The following CFAP57 variants were observed in gnomAD, a reference collection of about 807,000 sequenced individuals.
CFAP57 encodes cilia- and flagella-associated protein 57.
CFAP57 carries 116 observed loss-of-function variants against 146.8 expected under a neutral mutation model. The observed-to-expected ratio is 0.79, with a 90% confidence interval of 0.68 to 0.92. CFAP57 has a LOEUF of 0.92. Among genes scored for constraint, CFAP57 ranks in the 40% least tolerant of loss-of-function variants. The probability of loss-of-function intolerance (pLI) is 0.00; values close to 1 mark genes in which losing one functional copy is unlikely to be tolerated. For synonymous variants in CFAP57, 518 were observed against 552.8 expected (o/e 0.94, Z 0.88); for missense variants, 1,377 against 1,527.2 (o/e 0.90, Z 1.64).
At chr1:43,239,164 T>A (rs1009945005) in intron 21 of CFAP57, among the ~76,000 whole-genome samples, 7 of 152,094 alleles carry the variant, frequency 4.6e-5, no homozygotes, top group Non-Finnish European at 7.4e-5. Flanking sequence ...GGACCTCCCA[T>A]GCCTGGCACA....
intron 2 of CFAP57, among the ~76,000 whole-genome samples, chr1:43,173,905 A>G (rs1432503442): frequency 1.3e-5 from 2 of 152,230 alleles, no homozygotes; most frequent in Non-Finnish European, 2.9e-5. Flanking sequence ...CTTATTCCTC[A>G]GCAACCCTGC....
intron 19 of CFAP57, among the ~76,000 whole-genome samples, chr1:43,233,714 T>A (rs1373907672): frequency 6.6e-6 from 1 of 151,968 alleles, no homozygotes; most frequent in Non-Finnish European, 1.5e-5. Context: ...CAAGGAGAAA[T>A]GACTTTCTCT....
At chr1:43,199,702 T>G (rs951641845) in intron 9 of CFAP57, among the ~76,000 whole-genome samples, 199 bp downstream of exon 9, 11 of 152,196 alleles carry the variant, frequency 7.2e-5, no homozygotes, top group Non-Finnish European at 1.5e-4. Context: ...AAACATGGTG[T>G]TGTTGTGAGA....
chr1:43,192,957 G>A (rs1290697812), intron 6 of CFAP57, among the ~76,000 whole-genome samples: 1 of 151,984 alleles, frequency 6.6e-6, no homozygotes, highest in East Asian at 1.9e-4. Context: ...AAAGAAAGTG[G>A]TATATTGCAA....
At chr1:43,191,581 C>T (rs1437674449) in intron 6 of CFAP57, among the ~76,000 whole-genome samples, 10 of 131,244 alleles carry the variant, frequency 7.6e-5, no homozygotes, top group South Asian at 4.8e-4. Flanking sequence ...AGCAAGACTC[C>T]GTCTCAAAAA....
In CFAP57 at chr1:43,221,759, G is replaced by T. The variant is rs1226336994; in HGVS notation, c.2341+294G>T. ...CACCACGTACTTGCCAGGTGCTCTGGGGAGTCACCTAACCTTACCGAGCCT... is the reference window on the plus strand; with the variant it reads ...CACCACGTACTTGCCAGGTGCTCTGTGGAGTCACCTAACCTTACCGAGCCT... On this transcript the variant is annotated intron_variant, in intron 14 of 22. Transcript: ENST00000372492. Among the ~76,000 whole-genome samples, 3 of 152,278 alleles carry T rather than the reference G, an allele frequency of 2.0e-5. No homozygotes were observed. The East Asian group carries it at 5.8e-4, about 29-fold the overall frequency.
Position 43,181,593 on chromosome 1 carries a change from GC to G in CFAP57, c.218del (p.Ala73ValfsTer71). 1 of 1,614,122 alleles carries G rather than the reference GC, an allele frequency of 6.2e-7. No individual in the cohort carries two copies. The highest frequency in any genetic ancestry group is 8.5e-7 in the Non-Finnish European group (1 of 1,180,012). Reference sequence around the variant, plus strand: ...CATCAGTCCCAATCGGCGGTACCTCGCTATCTCTGAGACTGTGCAAGAAAAA... The same window carrying G: ...CATCAGTCCCAATCGGCGGTACCTCGTATCTCTGAGACTGTGCAAGAAAAA... ...LSISPNRRYL[A>X]ISETVQEKPA... is the part of the protein sequence containing the mutation. On this transcript the variant is annotated frameshift_variant, in exon 3 of 23. Coordinates refer to ENST00000372492, the MANE Select transcript of CFAP57 (RefSeq NM_001378189.1). LOFTEE classifies it high-confidence loss of function.
rs577521100 is a variant in CFAP57 at position 43,178,400 on chromosome 1, G to A, written c.158-3134G>A. Among the ~76,000 whole-genome samples, 180 of 152,184 alleles carry A rather than the reference G, an allele frequency of 1.2e-3. 1 individual carries two copies. Among genetic ancestry groups the A allele is most frequent in the African/African-American group, 4.1e-3 (171 of 41,524 alleles). On this transcript the variant is annotated intron_variant, in intron 2 of 22. Transcript: ENST00000372492. ...TTGCAATCTACTCATCTGACAAAGG[G>A]CTAATATCCAGAATCTACAAAGAAC...
chr1:43,183,915 TG>T (rs1206124456), intron 4 of CFAP57, 38 bp downstream of exon 4: 2 of 1,611,888 alleles, frequency 1.2e-6, no homozygotes, highest in South Asian at 2.2e-5. Context: ...CCACATTCAT[TG>T]TACTGACAGC....
At chr1:43,223,179 G>C (rs6679440) in intron 16 of CFAP57, among the ~76,000 whole-genome samples, 182 bp downstream of exon 16, 1 of 152,204 alleles carries the variant, frequency 6.6e-6, no homozygotes, top group East Asian at 1.9e-4. Context: ...TCCCCACCTC[G>C]TCCTTGGAAA....
rs977579625 is a variant in CFAP57 at position 43,199,454 on chromosome 1, C to A, written c.1493C>A (p.Thr498Asn). 3.1e-6 allele frequency: 5 copies of A among 1,614,146 alleles called. No homozygotes were observed. In the Admixed American group the frequency reaches 6.7e-5, roughly 22 times the overall value. The change falls in exon 9 of 23, where the codon ACC becomes AAC. Residue 498 changes from threonine (T) to asparagine (N), a missense_variant. Physicochemically the swap from Thr to Asn is moderately conservative, Grantham distance 65. Transcript: ENST00000372492. ...AATGGAAATGTGATTCACGTTTACA[C>A]CACCACGAGCCTAGAGAACATCTCA... ...AVNGNVIHVY[T>N]TTSLENISSL...
intron 22 of CFAP57, among the ~76,000 whole-genome samples, chr1:43,246,877 A>C (rs959255161): frequency 2.6e-5 from 4 of 152,224 alleles, no homozygotes; most frequent in Non-Finnish European, 4.4e-5. Flanking sequence ...TTACTACTTA[A>C]TCCAAGTGAA....
chr1:43,198,548 T>A lies in CFAP57; in HGVS notation c.1330T>A (p.Phe444Ile). The part of the protein sequence containing the change: ...YSISLHPSGH[F>I]IVVGFADKLR... ...CATCAGCCTTCATCCATCTGGACAC[T>A]TCATTGTAGTAGGGTTTGCTGACAA... Residue 444 changes from phenylalanine (F) to isoleucine (I), a missense_variant, in exon 8 of 23, where the codon TTC (phenylalanine) becomes ATC (isoleucine). Physicochemically the swap from Phe to Ile is conservative, Grantham distance 21. Coordinates refer to ENST00000372492, the MANE Select transcript of CFAP57 (RefSeq NM_001378189.1). 6.2e-7 allele frequency: 1 copy of A among 1,614,138 alleles called. No homozygotes were observed. The highest frequency in any genetic ancestry group is 8.5e-7 in the Non-Finnish European group (1 of 1,180,004).
At chr1:43,213,344 C>G (rs1644700929) in intron 11 of CFAP57, among the ~76,000 whole-genome samples, 2 of 152,218 alleles carry the variant, frequency 1.3e-5, no homozygotes, top group Non-Finnish European at 2.9e-5. Context: ...TTCACGACCT[C>G]CAGTTCCATC....
rs1176340388 is a variant in CFAP57, at chr1:43,215,391, T to A, written c.2066T>A (p.Val689Glu). 3 of 1,550,784 alleles carry A rather than the reference T, an allele frequency of 1.9e-6. No homozygotes were observed. The highest frequency in any genetic ancestry group is 2.6e-6 in the Non-Finnish European group (3 of 1,147,010). ...REVGFAEEVL[V>E]TKTDMEEKAQ... ...GTGGGCTTTGCCGAAGAGGTGCTTG[T>A]GACTAAAACAGACATGGAAGAAAAG... Residue 689 changes from valine to glutamate, a missense_variant, in exon 12 of 23, where the codon GTG (valine) becomes GAG (glutamate). Val to Glu is a moderately radical substitution (Grantham distance 121). Coordinates refer to ENST00000372492, the MANE Select transcript of CFAP57 (RefSeq NM_001378189.1).
chr1:43,234,435 G>C (rs1243951153), intron 20 of CFAP57, 22 bp downstream of exon 20: 4 of 1,544,520 alleles, frequency 2.6e-6, no homozygotes, highest in Middle Eastern at 1.7e-4. Flanking sequence ...CTCCCCTCCT[G>C]CCATGCACTG....
At chr1:43,224,627 C>T (rs920869815) in intron 17 of CFAP57, among the ~76,000 whole-genome samples, 16 of 152,230 alleles carry the variant, frequency 1.1e-4, no homozygotes, top group African/African-American at 3.6e-4. Flanking sequence ...CAGAGGGACT[C>T]TCCTGGGATT....
intron 5 of CFAP57, among the ~76,000 whole-genome samples, chr1:43,186,354 G>C (rs542902342): frequency 6.6e-6 from 1 of 152,236 alleles, no homozygotes; most frequent in South Asian, 2.1e-4. Flanking sequence ...GCTCACGCCT[G>C]TAATCCCAGC....
chr1:43,246,738 A>G (rs1055347561), intron 22 of CFAP57, among the ~76,000 whole-genome samples: 2 of 152,246 alleles, frequency 1.3e-5, no homozygotes, highest in African/African-American at 4.8e-5. Flanking sequence ...TTGGCTCCAT[A>G]CTAAATCTGG....
Sources: allele counts gnomAD v4.1 joint callset (sites outside exome capture counted in the v4.1 genomes callset), GRCh38; gene constraint gnomAD v4.1.1; transcripts MANE v1.5; gene names NCBI Gene and HGNC (gene_info 2026-07-23, HGNC 2026-07-21).